KAT6B: variants seen among roughly 807,000 people sequenced by gnomAD.
KAT6B encodes histone acetyltransferase KAT6B.
Under a neutral mutation model 187.5 loss-of-function variants are expected in KAT6B, and 10 were observed. That is an observed-to-expected ratio of 0.05 (90% CI 0.03 to 0.09). The LOEUF (loss-of-function observed/expected upper bound fraction) is 0.09, where lower values mean the gene tolerates loss of function less well. Among genes scored for constraint, KAT6B ranks in the 10% least tolerant of loss-of-function variants. The pLI is 1.00. For synonymous variants in KAT6B, 861 were observed against 926.8 expected (o/e 0.93, Z 1.29); for missense variants, 1,952 against 2,558.9 (o/e 0.76, Z 5.12).
intron 3 of KAT6B, among the ~76,000 whole-genome samples, chr10:74,893,935 G>T (rs1265000788): frequency 6.6e-6 from 1 of 152,178 alleles, no homozygotes; most frequent in Non-Finnish European, 1.5e-5. Flanking sequence ...AGCAATTACT[G>T]TGTTGGCTGA....
intron 3 of KAT6B, among the ~76,000 whole-genome samples, chr10:74,888,670 T>C (rs995910976): frequency 5.3e-5 from 8 of 152,232 alleles, no homozygotes; most frequent in Admixed American, 2.0e-4. Context: ...TTTGGCTGTA[T>C]CTTTGAAAAT....
At chr10:74,999,658 G>A (rs1254299871) in intron 13 of KAT6B, among the ~76,000 whole-genome samples, 1 of 152,130 alleles carries the variant, frequency 6.6e-6, no homozygotes, top group Non-Finnish European at 1.5e-5. Flanking sequence ...CTATGTGTCA[G>A]GCACTGTTAC....
At chr10:74,996,624 C>T (rs1843447157) in intron 13 of KAT6B, among the ~76,000 whole-genome samples, 4 of 152,052 alleles carry the variant, frequency 2.6e-5, no homozygotes, top group Admixed American at 2.6e-4. Context: ...CAAAAATTAG[C>T]TGGGTGTGGT....
At chr10:74,928,803 T>C (rs748508007) in intron 3 of KAT6B, among the ~76,000 whole-genome samples, 1 of 152,244 alleles carries the variant, frequency 6.6e-6, no homozygotes, top group Non-Finnish European at 1.5e-5. Flanking sequence ...GTACATTTTT[T>C]AGTTTTTAGA....
intron 3 of KAT6B, among the ~76,000 whole-genome samples, chr10:74,888,318 CAAAT>C (rs1845430544): frequency 6.6e-6 from 1 of 151,946 alleles, no homozygotes; most frequent in African/African-American, 2.4e-5. Flanking sequence ...AATTAAAAAA[CAAAT>C]AACAGACTAG....
intron 3 of KAT6B, among the ~76,000 whole-genome samples, chr10:74,890,527 G>A (rs140948086): frequency 2.5e-3 from 385 of 152,206 alleles, no homozygotes; most frequent in African/African-American, 9.0e-3. Context: ...GAGTGACAGA[G>A]CAAGACTCCG....
chr10:74,856,002 A>G (rs1564524097), intron 3 of KAT6B, among the ~76,000 whole-genome samples: 1 of 152,152 alleles, frequency 6.6e-6, no homozygotes, highest in Non-Finnish European at 1.5e-5. Flanking sequence ...CTTATATACT[A>G]TACTATTACG....
intron 1 of KAT6B, among the ~76,000 whole-genome samples, chr10:74,834,292 G>A (rs1231257296): frequency 6.6e-6 from 1 of 151,914 alleles, no homozygotes; most frequent in Non-Finnish European, 1.5e-5. Context: ...CCACCTCCGG[G>A]GTTCAAGCAA....
At chr10:74,937,606 C>T (rs1298492518) in intron 3 of KAT6B, among the ~76,000 whole-genome samples, 3 of 152,158 alleles carry the variant, frequency 2.0e-5, no homozygotes, top group African/African-American at 7.2e-5. Flanking sequence ...TGATGGTGAA[C>T]TTGATAGATA....
At chr10:74,890,689 A>G (rs1301462234) in intron 3 of KAT6B, among the ~76,000 whole-genome samples, 1 of 152,222 alleles carries the variant, frequency 6.6e-6, no homozygotes, top group Non-Finnish European at 1.5e-5. Context: ...TGAAGAGCTG[A>G]GAATGCCAAG....
chr10:74,971,162 T>TA (rs1841826392), intron 6 of KAT6B, among the ~76,000 whole-genome samples: 1 of 152,216 alleles, frequency 6.6e-6, no homozygotes, highest in South Asian at 2.1e-4. Context: ...ACCCTCTATA[T>TA]AAATGAACTC....
intron 8 of KAT6B, 29 bp from the exon 9 acceptor site, chr10:74,977,287 A>G (rs1353126319): frequency 1.9e-6 from 3 of 1,609,942 alleles, no homozygotes; most frequent in South Asian, 2.2e-5. Context: ...AAGTCAGTGA[A>G]TACACTTTCT....
chr10:75,022,359 C>T lies in KAT6B; in HGVS notation c.3372+128C>T, dbSNP rs1393811494. On this transcript the variant is annotated intron_variant, in intron 16 of 17. Coordinates refer to ENST00000287239, the MANE Select transcript of KAT6B (RefSeq NM_012330.4). The stretch of plus-strand genomic sequence containing the variant: ...GTCGTAGTTTATGTGTACCCAGTCC[C>T]GCTGATCATATATCATAATCGTTTA... 8.1e-5 allele frequency: 82 copies of T among 1,012,544 alleles called. 2 individuals carry two copies. Among genetic ancestry groups the T allele is most frequent in the Middle Eastern group, 6.1e-4 (3 of 4,886 alleles). 62.7% of individuals were successfully genotyped at this position (1,012,544 alleles called of 1,614,324 possible).
chr10:74,849,006 G>A (rs1401580463), intron 3 of KAT6B, among the ~76,000 whole-genome samples: 1 of 151,990 alleles, frequency 6.6e-6, no homozygotes, highest in African/African-American at 2.4e-5. Flanking sequence ...TTTTGAGACA[G>A]AGTGTCACTG....
intron 13 of KAT6B, among the ~76,000 whole-genome samples, chr10:75,012,439 C>T (rs749249514): frequency 3.3e-5 from 5 of 151,992 alleles, no homozygotes; most frequent in East Asian, 1.9e-4. Flanking sequence ...AGAGTGAGAC[C>T]GTGTCCAAAA....
chr10:74,991,308 C>T (rs1306443058), intron 13 of KAT6B, among the ~76,000 whole-genome samples: 1 of 152,120 alleles, frequency 6.6e-6, no homozygotes, highest in Non-Finnish European at 1.5e-5. Context: ...TTGCTGTCCA[C>T]AATCATTGTC....
intron 3 of KAT6B, among the ~76,000 whole-genome samples, chr10:74,891,991 A>G (rs1194014463): frequency 2.6e-5 from 4 of 152,208 alleles, no homozygotes; most frequent in African/African-American, 7.2e-5. Flanking sequence ...CTTGCCTCCT[A>G]GGAACTGCAG....
At position 74,975,982 on chromosome 10, in the gene KAT6B, C is replaced by T. The variant is rs1451696572; in HGVS notation, c.1645C>T (p.His549Tyr). The change falls in exon 8 of 18, where the codon CAT (histidine) becomes TAT (tyrosine). Residue 549 changes from histidine to tyrosine, a missense_variant. This residue lies in a region of KAT6B where 417 missense variants were observed against 508.9 expected (regional missense o/e 0.82). Transcript: ENST00000287239. ...QLKALFDGLS[H>Y]IYTTQGQSRK... ...GAAGGCACTCTTTGATGGGCTTTCT[C>T]ATATCTATACCACTCAGGGACAGTC... 1 of 1,614,040 alleles carries T rather than the reference C, an allele frequency of 6.2e-7. No individual in the cohort carries two copies. Among genetic ancestry groups the T allele is most frequent in the African/African-American group, 1.3e-5 (1 of 74,912 alleles).
Position 75,030,480 on chromosome 10 carries a change from C to T in KAT6B, c.5656C>T (p.Pro1886Ser). 6.2e-7 allele frequency: 1 copy of T among 1,612,764 alleles called. No individual in the cohort carries two copies. Among genetic ancestry groups the T allele is most frequent in the Non-Finnish European group, 8.5e-7 (1 of 1,178,844 alleles). Residue 1886 changes from proline to serine, a missense_variant, in exon 18 of 18, where the codon CCT (proline) becomes TCT (serine). Physicochemically the swap from Pro to Ser is moderately conservative, Grantham distance 74 (BLOSUM62 -1). Coordinates refer to ENST00000287239, the MANE Select transcript of KAT6B (RefSeq NM_012330.4). The surrounding 1 kb of genome is among the most constrained non-coding windows in gnomAD (Gnocchi z 4.8). Reference protein sequence around the residue: ...ATMTPPPNLTPPPMNLPPPLL... With the variant: ...ATMTPPPNLTSPPMNLPPPLL... ...CATGACCCCACCCCCCAACCTGACT[C>T]CTCCTCCAATGAATCTGCCGCCGCC... is the stretch of plus-strand genomic sequence containing the variant.
Sources: gnomAD v4.1 joint callset for allele counts (sites outside exome capture counted in the v4.1 genomes callset) on GRCh38, gnomAD v4.1.1 for gene constraint, gnomAD v4.1.1 regional missense constraint, Gnocchi (gnomAD v3.1) non-coding constraint, MANE v1.5 for transcripts, NCBI Gene and HGNC (gene_info 2026-07-23, HGNC 2026-07-21) for gene names.